The following NDUFAF6 variants were observed in gnomAD, a reference collection of about 807,000 sequenced individuals.
NDUFAF6 encodes NADH:ubiquinone oxidoreductase complex assembly factor 6.
NDUFAF6 carries 45 observed loss-of-function variants against 40.8 expected under a neutral mutation model. The observed-to-expected ratio is 1.10, with a 90% confidence interval of 0.87 to 1.42. The LOEUF is 1.42. Among genes scored for constraint, NDUFAF6 ranks in the 40% most tolerant of loss-of-function variants. The pLI is 0.00. For synonymous variants in NDUFAF6, 185 were observed against 155.9 expected (o/e 1.19, Z -1.39); for missense variants, 435 against 418.5 (o/e 1.04, Z -0.34).
intron 1 of NDUFAF6, among the ~76,000 whole-genome samples, chr8:95,029,197 G>A (rs530269361): frequency 6.6e-6 from 1 of 152,276 alleles, no homozygotes; most frequent in Admixed American, 6.5e-5. Flanking sequence ...TGTTTTATAA[G>A]AAGGTTCCAA....
At chr8:94,983,115 A>G (rs1344685434) in intron 2 of NDUFAF6, among the ~76,000 whole-genome samples, 1 of 152,224 alleles carries the variant, frequency 6.6e-6, no homozygotes, top group African/African-American at 2.4e-5. Flanking sequence ...AATGATATAC[A>G]TGAAGTCTAG....
chr8:94,944,146 A>G (rs1821792226), intron 1 of NDUFAF6, among the ~76,000 whole-genome samples: 1 of 152,220 alleles, frequency 6.6e-6, no homozygotes, highest in Admixed American at 6.5e-5. Flanking sequence ...AGTTGAGAGA[A>G]TAAGCCCAAT....
In NDUFAF6 at chr8:95,031,986, C is replaced by G. The variant is rs1169872363; in HGVS notation, c.198-9C>G. The G allele has an allele frequency of 6.2e-7, 1 of 1,609,464 alleles. No individual in the cohort carries two copies. Among genetic ancestry groups the G allele is most frequent in the Admixed American group, 1.7e-5 (1 of 60,000 alleles). Reference sequence around the variant, plus strand: ...AAGAGTAACTGTCTTTTTTTTCTGTCTGTTACAGGAAACGGGATTATGAAG... The same window carrying G: ...AAGAGTAACTGTCTTTTTTTTCTGTGTGTTACAGGAAACGGGATTATGAAG... On this transcript the variant is annotated splice_polypyrimidine_tract_variant and intron_variant, in intron 1 of 8. Transcript: ENST00000396124.
At chr8:94,899,177 G>C (rs912768009) in intron 1 of NDUFAF6, among the ~76,000 whole-genome samples, 4 of 152,172 alleles carry the variant, frequency 2.6e-5, no homozygotes, top group African/African-American at 9.7e-5. Flanking sequence ...GGGATTACAG[G>C]CATGAGCCAC....
intron 2 of NDUFAF6, among the ~76,000 whole-genome samples, chr8:95,086,167 A>C (rs1339452375): frequency 6.6e-6 from 1 of 152,198 alleles, no homozygotes; most frequent in Non-Finnish European, 1.5e-5. Flanking sequence ...CAGGGGACTG[A>C]AGGAGAAAAA....
intron 2 of NDUFAF6, among the ~76,000 whole-genome samples, chr8:95,088,182 G>A (rs1809112684): frequency 6.6e-6 from 1 of 152,162 alleles, no homozygotes; most frequent in Non-Finnish European, 1.5e-5. Context: ...AGGACCAGGT[G>A]GCCACCTGGG....
downstream of NDUFAF6, among the ~76,000 whole-genome samples, chr8:95,060,729 A>G (rs1320229212): frequency 6.6e-6 from 1 of 152,272 alleles, no homozygotes; most frequent in Non-Finnish European, 1.5e-5. Flanking sequence ...CCCAAAGCCC[A>G]TTATTTTTTT....
chr8:94,977,135 A>C, intron 1 of NDUFAF6, among the ~76,000 whole-genome samples: 1 of 132,152 alleles, frequency 7.6e-6, no homozygotes, highest in Non-Finnish European at 1.6e-5. Flanking sequence ...TGAGACCCTG[A>C]CTCAGAAAAA....
chr8:95,005,540 T>A lies in NDUFAF6; in HGVS notation c.-84+24567T>A, dbSNP rs1826928991. On this transcript the variant is annotated intron_variant, in intron 2 of 9. Coordinates refer to the NDUFAF6 transcript ENST00000396111. ...TGGTCCTTTTAAATATATATATATATATATATATATATAAAAAATATATTA... is the reference window on the plus strand; with the variant it reads ...TGGTCCTTTTAAATATATATATATAAATATATATATATAAAAAATATATTA... Among the ~76,000 whole-genome samples the A allele has an allele frequency of 1.5e-5, 2 of 134,784 alleles. 1 individual carries two copies. The highest frequency in any genetic ancestry group is 5.7e-5 in the African/African-American group (2 of 35,214). 88.4% of individuals were successfully genotyped at this position (134,784 alleles called of 152,430 possible). A position where few individuals can be genotyped will look rare whatever the true frequency, so the allele number is the denominator to read the frequency against.
chr8:95,095,794 A>G (rs1457651172), upstream of NDUFAF6, among the ~76,000 whole-genome samples: 5 of 151,706 alleles, frequency 3.3e-5, no homozygotes, highest in Admixed American at 3.3e-4. Context: ...CCTCCCAAGT[A>G]GCTGAGATTA....
At chr8:95,048,647 T>G (rs180843642) in intron 7 of NDUFAF6, 89 bp downstream of exon 7, 1 of 929,858 alleles carries the variant, frequency 1.1e-6, no homozygotes, top group Admixed American at 1.8e-5. Context: ...TATTCCCAAC[T>G]TGGCAGTCTT....
intron 2 of NDUFAF6, among the ~76,000 whole-genome samples, chr8:95,011,598 T>C (rs1006954742): frequency 3.3e-5 from 5 of 152,216 alleles, no homozygotes; most frequent in African/African-American, 1.2e-4. Context: ...TGTACACTCT[T>C]TTGACCTTTC....
intron 2 of NDUFAF6, among the ~76,000 whole-genome samples, chr8:95,019,705 G>A (rs1827611695): frequency 6.6e-6 from 1 of 152,192 alleles, no homozygotes; most frequent in South Asian, 2.1e-4. Context: ...TCTTGTTTCT[G>A]AGAGAACAGT....
At position 95,052,870 on chromosome 8, in the gene NDUFAF6, A is replaced by C. The variant is rs561539880; in HGVS notation, c.873+640A>C. On this transcript the variant is annotated intron_variant, in intron 8 of 8. Transcript: ENST00000396124. Reference sequence around the variant, plus strand: ...ACAGGTTTGGGAACTGTTGTTCTAAAACTACATAGAGAAGTGATAATTGCT... The same window carrying C: ...ACAGGTTTGGGAACTGTTGTTCTAACACTACATAGAGAAGTGATAATTGCT... 2.2e-4 allele frequency among the ~76,000 whole-genome samples: 34 copies of C among 152,174 alleles called. 1 individual carries two copies. Among genetic ancestry groups the C allele is most frequent in the Non-Finnish European group, 3.8e-4 (26 of 68,026 alleles).
intron 9 of NDUFAF6, chr8:95,072,620 C>T (rs1224783518): frequency 6.6e-6 from 1 of 152,222 alleles, no homozygotes; most frequent in Non-Finnish European, 1.5e-5. Flanking sequence ...TTTTCTAGAT[C>T]TCTCCAAGAC....
At chr8:95,025,346 G>T in intron 1 of NDUFAF6, 141 bp downstream of exon 1, 2 of 847,586 alleles carry the variant, frequency 2.4e-6, no homozygotes, top group South Asian at 2.9e-5. Context: ...TCTAGTGGGC[G>T]TCGGGTGCGG....
intron 7 of NDUFAF6, among the ~76,000 whole-genome samples, chr8:95,051,337 T>C (rs557550521): frequency 6.6e-6 from 1 of 152,208 alleles, no homozygotes; most frequent in East Asian, 1.9e-4. Flanking sequence ...GGAGAAGATT[T>C]AAGAAAGAGG....
At chr8:95,039,226 G>A (rs756936244) in intron 3 of NDUFAF6, among the ~76,000 whole-genome samples, 5 of 151,592 alleles carry the variant, frequency 3.3e-5, no homozygotes, top group Non-Finnish European at 2.9e-5. Flanking sequence ...AGGCCGAGGC[G>A]GGTGGATCAC....
chr8:95,092,573 G>A (rs1219942721), intron 2 of NDUFAF6, among the ~76,000 whole-genome samples: 1 of 133,462 alleles, frequency 7.5e-6, no homozygotes, highest in Non-Finnish European at 1.5e-5. Context: ...AATATCTCAC[G>A]AAGCCTTTTT....
Sources: allele counts gnomAD v4.1 joint callset (sites outside exome capture counted in the v4.1 genomes callset), GRCh38; gene constraint gnomAD v4.1.1; transcripts MANE v1.5; gene names NCBI Gene and HGNC (gene_info 2026-07-23, HGNC 2026-07-21).